SAMD12: variants seen among roughly 807,000 people sequenced by gnomAD.
The protein encoded by SAMD12 is sterile alpha motif domain containing 12.
A neutral mutation model predicts 15.0 loss-of-function variants in SAMD12; 9 were observed. The observed-to-expected ratio is 0.60, with a 90% CI of 0.36 to 1.05. The LOEUF (loss-of-function observed/expected upper bound fraction) is 1.05. SAMD12 is among the 50% of genes least tolerant of loss of function. The pLI is 0.01. For missense variants in SAMD12, 230 were observed against 234.2 expected (o/e 0.98, Z 0.12); for synonymous variants, 86 against 90.1 (o/e 0.96, Z 0.25).
At chr8:118,426,337 G>A (rs1371770896) in intron 3 of SAMD12, among the ~76,000 whole-genome samples, 1 of 152,140 alleles carries the variant, frequency 6.6e-6, no homozygotes, top group African/African-American at 2.4e-5. Flanking sequence ...ATTGAACTCC[G>A]AGCCTCACTT....
At chr8:118,564,849 G>T (rs1362804278) in intron 2 of SAMD12, among the ~76,000 whole-genome samples, 1 of 152,218 alleles carries the variant, frequency 6.6e-6, no homozygotes, top group Non-Finnish European at 1.5e-5. Flanking sequence ...TCCACGCAGT[G>T]ACTTGGTGAT....
chr8:118,138,524 TG>T, the SAMD12 span, among the ~76,000 whole-genome samples: 48 of 152,238 alleles, frequency 3.2e-4, no homozygotes, highest in African/African-American at 1.1e-3. Flanking sequence ...AACAAGGAAA[TG>T]GGTCCCCATC....
chr8:118,430,395 G>A (rs1384148051), intron 3 of SAMD12, among the ~76,000 whole-genome samples: 1 of 145,658 alleles, frequency 6.9e-6, no homozygotes, highest in Non-Finnish European at 1.5e-5. Context: ...ATGGAGTCTC[G>A]CTCTGTTGCC....
intron 2 of SAMD12, among the ~76,000 whole-genome samples, chr8:118,577,060 A>G (rs1827170426): frequency 6.6e-6 from 1 of 152,170 alleles, no homozygotes; most frequent in South Asian, 2.1e-4. Flanking sequence ...AGTACTCACA[A>G]GAATTTAGGA....
At chr8:118,315,554 T>G (rs1218385045) in intron 4 of SAMD12, among the ~76,000 whole-genome samples, 1 of 152,136 alleles carries the variant, frequency 6.6e-6, no homozygotes, top group African/African-American at 2.4e-5. Flanking sequence ...GGGAATGGGA[T>G]CATGGGAAGT....
chr8:118,193,658 A>G (rs192917153), exon 5 of SAMD12: 1 of 152,318 alleles, frequency 6.6e-6, no homozygotes, highest in Admixed American at 6.5e-5. Context: ...CAAGCTTAAG[A>G]AGAAATATTA....
chr8:118,374,257 G>A (rs1466282511), downstream of SAMD12, among the ~76,000 whole-genome samples: 6 of 151,994 alleles, frequency 3.9e-5, no homozygotes, highest in South Asian at 4.1e-4. Context: ...TTTGTGACTC[G>A]CTTATTTTGT....
At chr8:118,502,603 AAGAGCAC>A (rs2131044169) in intron 2 of SAMD12, among the ~76,000 whole-genome samples, 1 of 152,372 alleles carries the variant, frequency 6.6e-6, no homozygotes, top group South Asian at 2.1e-4. Context: ...GAATATATTG[AAGAGCAC>A]ATTTTCATTA....
At chr8:118,319,358 C>G (rs144159681) in intron 4 of SAMD12, among the ~76,000 whole-genome samples, 1 of 152,166 alleles carries the variant, frequency 6.6e-6, no homozygotes, top group African/African-American at 2.4e-5. Context: ...TCACCCTGTT[C>G]CAATCATGAA....
chr8:118,159,695 A>T, the SAMD12 span, among the ~76,000 whole-genome samples: 1 of 147,266 alleles, frequency 6.8e-6, no homozygotes, highest in Admixed American at 7.1e-5. Context: ...CTGATACTAT[A>T]TAACAAATTT....
chr8:118,268,470 C>T (rs1312089093), intron 4 of SAMD12, among the ~76,000 whole-genome samples: 1 of 152,094 alleles, frequency 6.6e-6, no homozygotes, highest in Non-Finnish European at 1.5e-5. Context: ...TACTTATCAC[C>T]AACTCAGCCC....
At chr8:118,484,119 T>C (rs999835934) in intron 2 of SAMD12, among the ~76,000 whole-genome samples, 27 of 152,156 alleles carry the variant, frequency 1.8e-4, no homozygotes, top group Admixed American at 1.8e-3. Flanking sequence ...AGAACTTATT[T>C]GATAAGGGAA....
In SAMD12 at chr8:118,199,607, T is replaced by C. The variant is rs17484789; in HGVS notation, c.434-1875A>G. Among the ~76,000 whole-genome samples, 599 of 152,342 alleles carry C rather than the reference T, an allele frequency of 3.9e-3. 2 individuals are homozygous for C. Among genetic ancestry groups the C allele is most frequent in the African/African-American group, 0.014 (564 of 41,584 alleles). On this transcript the variant is annotated intron_variant, in intron 4 of 4. Transcript: ENST00000409003. ...GGAACCTGAGTCATGAGTTGATAAC[T>C]AGGTTTATCATAGTTACTGCTTCTT...
At chr8:118,182,400 A>G in the SAMD12 span, among the ~76,000 whole-genome samples, 3 of 152,224 alleles carry the variant, frequency 2.0e-5, no homozygotes, top group African/African-American at 4.8e-5. Flanking sequence ...AATCACTATG[A>G]TGGCCTGTAA....
chr8:118,376,319 C>T (rs1012261660), downstream of SAMD12, among the ~76,000 whole-genome samples: 7 of 152,072 alleles, frequency 4.6e-5, no homozygotes, highest in East Asian at 1.9e-4. Flanking sequence ...TCCTAACCCC[C>T]AAGGTGATGG....
At position 118,379,640 on chromosome 8, in the gene SAMD12, T is replaced by C. The variant is rs1289409861; in HGVS notation, c.383A>G (p.Asn128Ser). The change falls in exon 4 of 4, where the codon AAC (asparagine) becomes AGC (serine). Residue 128 changes from asparagine (N) to serine (S), a missense_variant. By Grantham distance (46) the Asn-to-Ser change is conservative (BLOSUM62 1). Transcript: ENST00000314727. Reference sequence around the variant, plus strand: ...CTGTTGTAAGATGTGCTGCCGGAGGTTCTCCTGGGCAATCCCCATTCGCTC... The same window carrying C: ...CTGTTGTAAGATGTGCTGCCGGAGGCTCTCCTGGGCAATCCCCATTCGCTC... Reference protein sequence around the residue: ...KLERMGIAQENLRQHILQQVL... With the variant: ...KLERMGIAQESLRQHILQQVL... 6.2e-7 allele frequency: 1 copy of C among 1,613,758 alleles called. No homozygotes were observed. The highest frequency in any genetic ancestry group is 8.5e-7 in the Non-Finnish European group (1 of 1,179,866).
At chr8:118,471,607 T>C (rs1029192146) in intron 2 of SAMD12, among the ~76,000 whole-genome samples, 5 of 152,172 alleles carry the variant, frequency 3.3e-5, no homozygotes, top group Non-Finnish European at 7.3e-5. Flanking sequence ...AAAAATCCCT[T>C]TGCAAAGCCA....
chr8:118,336,581 C>A lies in SAMD12; in HGVS notation c.433+42979G>T, dbSNP rs148887194. 7.8e-3 allele frequency among the ~76,000 whole-genome samples: 1,189 copies of A among 151,900 alleles called. 12 individuals carry two copies. Among genetic ancestry groups the A allele is most frequent in the Non-Finnish European group, 0.01 (700 of 68,016 alleles). On this transcript the variant is annotated intron_variant, in intron 4 of 4. Transcript: ENST00000409003. ...TCAAATGGTATTTCTAGTTCTAGAT[C>A]CTTGAGGAATTGCCACACTGTCTTC...
At chr8:118,582,203 C>T (rs1827313495) in intron 1 of SAMD12, among the ~76,000 whole-genome samples, 1 of 152,176 alleles carries the variant, frequency 6.6e-6, no homozygotes, top group African/African-American at 2.4e-5. Context: ...TCCCAATCAA[C>T]ATTCTGGTGA....
Sources: allele counts gnomAD v4.1 joint callset (sites outside exome capture counted in the v4.1 genomes callset), GRCh38; gene constraint gnomAD v4.1.1; transcripts MANE v1.5; gene names NCBI Gene and HGNC (gene_info 2026-07-23, HGNC 2026-07-21).